PAK1: variants seen among roughly 807,000 people sequenced by gnomAD.
The protein encoded by PAK1 is p21 (RAC1) activated kinase 1.
PAK1 carries 29 observed loss-of-function variants against 67.4 expected under a neutral mutation model. The ratio of observed to expected loss-of-function variants is 0.43; its 90% CI spans 0.32 to 0.59. The LOEUF (loss-of-function observed/expected upper bound fraction) is 0.59. PAK1 is among the 20% of genes least tolerant of loss of function. PAK1 has a pLI of 0.07. For missense variants in PAK1, 337 were observed against 670.7 expected, an observed-to-expected ratio of 0.50 and a Z score of 5.50; for synonymous variants, 223 against 237.4, an observed-to-expected ratio of 0.94 and a Z score of 0.56.
At chr11:77,366,082 T>C (rs1299049887) in intron 5 of PAK1, among the ~76,000 whole-genome samples, 2 of 152,110 alleles carry the variant, frequency 1.3e-5, no homozygotes, top group Non-Finnish European at 2.9e-5. Flanking sequence ...TTTTTAAAAA[T>C]TGCCAGTCAA....
At chr11:77,325,348 C>T in intron 14 of PAK1, 3 of 1,613,752 alleles carry the variant, frequency 1.9e-6, no homozygotes. Flanking sequence ...GGAAAAGTTA[C>T]TAAACACTTG....
chr11:77,327,845 G>A (rs1940416870), intron 14 of PAK1, among the ~76,000 whole-genome samples: 3 of 152,110 alleles, frequency 2.0e-5, no homozygotes, highest in Admixed American at 1.3e-4. Context: ...CTGGCAGACT[G>A]GATAAAGAGT....
At chr11:77,460,569 A>G (rs1312553489) in intron 1 of PAK1, among the ~76,000 whole-genome samples, 1 of 151,814 alleles carries the variant, frequency 6.6e-6, no homozygotes, top group Non-Finnish European at 1.5e-5. Flanking sequence ...TTTTTGGTGA[A>G]GAAAAGGAAA....
intron 11 of PAK1, among the ~76,000 whole-genome samples, chr11:77,337,670 G>C (rs1327503282): frequency 1.3e-5 from 2 of 152,064 alleles, no homozygotes; most frequent in African/African-American, 4.8e-5. Context: ...TTAAGTAAAG[G>C]AGTTCCTCCA....
At chr11:77,347,090 A>ACCAC in intron 9 of PAK1, 2 of 456,264 alleles carry the variant, frequency 4.4e-6, no homozygotes, top group Non-Finnish European at 8.8e-6. Flanking sequence ...CTGGGGCAGG[A>ACCAC]AATGAAGCCT....
intron 8 of PAK1, chr11:77,349,542 A>G: frequency 2.2e-6 from 1 of 447,560 alleles, no homozygotes; most frequent in Non-Finnish European, 4.1e-6. Context: ...GGATCTTAAG[A>G]AAGTTATTTA....
At chr11:77,409,623 C>T (rs1487987840) in intron 1 of PAK1, among the ~76,000 whole-genome samples, 1 of 151,800 alleles carries the variant, frequency 6.6e-6, no homozygotes, top group Non-Finnish European at 1.5e-5. Context: ...GAATAAAATC[C>T]TGTCATTTGC....
intron 1 of PAK1, among the ~76,000 whole-genome samples, chr11:77,451,607 GT>G (rs529125254): frequency 4.5e-5 from 6 of 133,578 alleles, no homozygotes; most frequent in East Asian, 2.0e-4. Context: ...GTTTTTTTTT[GT>G]TTTTTTTTTG....
At chr11:77,519,595 C>T in the PAK1 span, among the ~76,000 whole-genome samples, 1 of 152,166 alleles carries the variant, frequency 6.6e-6, no homozygotes, top group Non-Finnish European at 1.5e-5. Context: ...TAATCTAATT[C>T]TTTCATCCCT....
Position 77,323,280 on chromosome 11 carries a change from A to G in PAK1, c.1632T>C (p.Asn544=). The G allele has an allele frequency of 6.2e-7, 1 of 1,613,956 alleles. No individual in the cohort carries two copies. Among genetic ancestry groups the G allele is most frequent in the Non-Finnish European group, 8.5e-7 (1 of 1,179,872 alleles). The change falls in exon 15 of 15, where the codon AAT becomes AAC. Residue 544 remains asparagine, a synonymous_variant. Coordinates refer to ENST00000356341, the MANE Select transcript of PAK1 (RefSeq NM_002576.5). ...IAAAKEATKN[N]H ...GGCTGGGGTGAGTGTGGTTTTAGTG[A>G]TTGTTCTTTGTTGCCTCCTTAGCTG...
intron 1 of PAK1, among the ~76,000 whole-genome samples, chr11:77,444,033 C>G (rs532981004): frequency 2.0e-5 from 3 of 152,160 alleles, no homozygotes; most frequent in Admixed American, 2.0e-4. Context: ...AATGAGCAAA[C>G]TGAGACTCAA....
intron 1 of PAK1, among the ~76,000 whole-genome samples, chr11:77,416,115 A>G (rs1333834794): frequency 6.6e-6 from 1 of 151,918 alleles, no homozygotes; most frequent in African/African-American, 2.4e-5. Context: ...AGTAGCTGGA[A>G]TTACAGGCGT....
At chr11:77,528,178 T>G in the PAK1 span, among the ~76,000 whole-genome samples, 1 of 152,088 alleles carries the variant, frequency 6.6e-6, no homozygotes, top group Non-Finnish European at 1.5e-5. Context: ...GGTTTATCAT[T>G]TCATCATCAA....
intron 1 of PAK1, among the ~76,000 whole-genome samples, chr11:77,409,288 AAGAC>A (rs1266535046): frequency 1.3e-5 from 2 of 151,992 alleles, no homozygotes; most frequent in African/African-American, 2.4e-5. Context: ...GAAAAAGAAA[AAGAC>A]AGGCAATAAC....
At position 77,348,592 on chromosome 11, in the gene PAK1, A is replaced by C. The variant is rs573297078; in HGVS notation, c.885+647T>G. 1.3e-3 allele frequency among the ~76,000 whole-genome samples: 197 copies of C among 152,300 alleles called. 3 individuals are homozygous for C. Among genetic ancestry groups the C allele is most frequent in the Non-Finnish European group, 2.2e-4 (15 of 68,022 alleles). On this transcript the variant is annotated intron_variant, in intron 9 of 14. Coordinates refer to ENST00000356341, the MANE Select transcript of PAK1 (RefSeq NM_002576.5). ...TCTCCCCCAAGCCCCAAAGTTATGT[A>C]AGCAACTATCCACTTGGCAATCAGG...
chr11:77,331,567 T>C (rs1431834421), intron 14 of PAK1, among the ~76,000 whole-genome samples: 3 of 151,986 alleles, frequency 2.0e-5, no homozygotes, highest in African/African-American at 4.8e-5. Context: ...TTCTCACTCA[T>C]AGGTAGGAAA....
intron 5 of PAK1, among the ~76,000 whole-genome samples, chr11:77,365,485 A>G (rs1003773303): frequency 2.0e-5 from 3 of 152,000 alleles, no homozygotes; most frequent in African/African-American, 7.2e-5. Flanking sequence ...TGATAAAAAC[A>G]TTAAACTACA....
Position 77,336,176 on chromosome 11 carries a change from A to G in PAK1, c.1323T>C (p.Tyr441=), listed in dbSNP as rs147615438. Residue 441 remains tyrosine, a synonymous_variant, in exon 13 of 15, where the codon TAT becomes TAC. Coordinates refer to ENST00000356341, the MANE Select transcript of PAK1 (RefSeq NM_002576.5). ...MAPEVVTRKA[Y]GPKVDIWSLG... ...GGGACCAGATGTCAACCTTGGGCCC[A>G]TAGGCCTTTCGTGTCACAACCTCTG... 33 of 1,613,902 alleles carry G rather than the reference A, an allele frequency of 2.0e-5. No homozygotes were observed. In the African/African-American group the frequency reaches 4.1e-4, roughly 20 times the overall value.
chr11:77,393,662 T>C (rs1238990546), intron 1 of PAK1, among the ~76,000 whole-genome samples: 3 of 152,182 alleles, frequency 2.0e-5, no homozygotes, highest in Non-Finnish European at 4.4e-5. Context: ...CAGAATTTAC[T>C]GGCAAAATCT....
Sources: allele counts gnomAD v4.1 joint callset (sites outside exome capture counted in the v4.1 genomes callset), GRCh38; gene constraint gnomAD v4.1.1; transcripts MANE v1.5; gene names NCBI Gene and HGNC (gene_info 2026-07-23, HGNC 2026-07-21).